RARA: variants seen among roughly 807,000 people sequenced by gnomAD.
RARA encodes the protein retinoic acid receptor alpha, also known as PML-DDX5-RARA fusion.
A neutral mutation model predicts 42.8 loss-of-function variants in RARA; 5 were observed. The ratio of observed to expected loss-of-function variants is 0.12; its 90% CI spans 0.06 to 0.25. The LOEUF (loss-of-function observed/expected upper bound fraction) is 0.25, where lower values mean the gene tolerates loss of function less well. Ranked by LOEUF, RARA falls within the 10% of genes least tolerant of loss-of-function variation. The pLI, the probability that RARA is intolerant of heterozygous loss-of-function variation, is 1.00. For missense variants in RARA, 402 were observed against 628.7 expected (o/e 0.64, Z 3.86); for synonymous variants, 256 against 259.5 (o/e 0.99, Z 0.13).
chr17:40,352,219 A>G lies in RARA; in HGVS notation c.631-112A>G. 6.7e-7 allele frequency: 1 copy of G among 1,499,912 alleles called. No individual in the cohort carries two copies. Among genetic ancestry groups the G allele is most frequent in the Non-Finnish European group, 8.8e-7 (1 of 1,130,864 alleles). 92.9% of individuals were successfully genotyped at this position (1,499,912 alleles called of 1,614,324 possible). ...CTCCCTCCTCCTGCTGCCTCTTCCC[A>G]AGGAGCTCCCAGGAAGTGAAGGCTG... On this transcript the variant is annotated intron_variant, in intron 5 of 8. Coordinates refer to ENST00000254066, the MANE Select transcript of RARA (RefSeq NM_000964.4). This position sits in a 1 kb window ranked among gnomAD's most constrained non-coding sequence, Gnocchi z 4.9.
At chr17:40,341,795 A>G in intron 2 of RARA, 1 of 1,249,136 alleles carries the variant, frequency 8.0e-7, no homozygotes, top group Non-Finnish European at 1.0e-6. Context: ...TCGGCCAGGG[A>G]CTGACCAAAC....
chr17:40,356,432 TG>T lies in RARA; in HGVS notation c.*209del. The stretch of plus-strand genomic sequence containing the variant: ...CAGTGGACTGCCTGCTCCCACAGCC[TG>T]GGCTGACGTCAGAGGCCGAGGCCAG... On this transcript the variant is annotated 3_prime_UTR_variant, in exon 9 of 9. Coordinates refer to ENST00000254066, the MANE Select transcript of RARA (RefSeq NM_000964.4). 1 of 726,112 alleles carries T rather than the reference TG, an allele frequency of 1.4e-6. No homozygotes were observed. The highest frequency in any genetic ancestry group is 2.4e-6 in the Non-Finnish European group (1 of 408,484). 45.0% of individuals were successfully genotyped at this position (726,112 alleles called of 1,614,324 possible).
In RARA at chr17:40,355,902, T is replaced by C; in HGVS notation, c.1172-107T>C. ...TCAAAGAACTGAATCCCAAGAAAGA[T>C]GCTAATATCAGCAGTATTGATCTTC... On this transcript the variant is annotated intron_variant, in intron 8 of 8. Transcript: ENST00000254066. This position sits in a 1 kb window ranked among gnomAD's most constrained non-coding sequence, Gnocchi z 4.1. 2.1e-6 allele frequency: 2 copies of C among 960,380 alleles called. No homozygotes were observed. The highest frequency in any genetic ancestry group is 2.8e-5 in the Admixed American group (1 of 36,224). 59.5% of individuals were successfully genotyped at this position (960,380 alleles called of 1,614,324 possible).
rs538011785 is a variant in RARA, at chr17:40,320,973, T to C, written c.-362-9884T>C. Among the ~76,000 whole-genome samples the C allele has an allele frequency of 8.5e-5, 13 of 152,270 alleles. No homozygotes were observed. Among genetic ancestry groups the C allele is most frequent in the Middle Eastern group, 6.8e-3 (2 of 294 alleles). Reference sequence around the variant, plus strand: ...CTTACTGGGTTTTGGGAAAGGAGTATGGCAACTGATACCCCGGCTCCCAGG... The same window carrying C: ...CTTACTGGGTTTTGGGAAAGGAGTACGGCAACTGATACCCCGGCTCCCAGG... On this transcript the variant is annotated intron_variant, in intron 1 of 8. Coordinates refer to ENST00000254066, the MANE Select transcript of RARA (RefSeq NM_000964.4). This position sits in a 1 kb window ranked among gnomAD's most constrained non-coding sequence, Gnocchi z 4.1.
In RARA at chr17:40,356,117, C is replaced by CGGGGGGT. The variant is rs2034615756; in HGVS notation, c.1287_1293dup (p.Arg432TrpfsTer16). ...GGCCTGGACACTCTGAGCGGACAGC[C>CGGGGGGT]GGGGGGTGGGGGGCGGGACGGGGGT... is the stretch of plus-strand genomic sequence containing the variant. On this transcript the variant is annotated frameshift_variant, in exon 9 of 9. Transcript: ENST00000254066. LOFTEE classifies it high-confidence loss of function. 3.0e-6 allele frequency: 4 copies of CGGGGGGT among 1,329,990 alleles called. No homozygotes were observed. 82.4% of individuals were successfully genotyped at this position (1,329,990 alleles called of 1,614,324 possible).
chr17:40,337,231 G>A (rs2033880142), intron 2 of RARA, among the ~76,000 whole-genome samples: 1 of 152,224 alleles, frequency 6.6e-6, no homozygotes, highest in African/African-American at 2.4e-5. Flanking sequence ...CATCTACATA[G>A]GCAGCTTTGA....
In RARA at chr17:40,355,913, G is replaced by T; in HGVS notation, c.1172-96G>T. The T allele has an allele frequency of 9.9e-7, 1 of 1,014,158 alleles. No homozygotes were observed. Among genetic ancestry groups the T allele is most frequent in the South Asian group, 1.6e-5 (1 of 62,404 alleles). 62.8% of individuals were successfully genotyped at this position (1,014,158 alleles called of 1,614,324 possible). A position where few individuals can be genotyped will look rare whatever the true frequency, so the allele number is the denominator to read the frequency against. ...AATCCCAAGAAAGATGCTAATATCA[G>T]CAGTATTGATCTTCCCACCTCGAGC... On this transcript the variant is annotated intron_variant, in intron 8 of 8. Coordinates refer to ENST00000254066, the MANE Select transcript of RARA (RefSeq NM_000964.4). The surrounding 1 kb of genome is among the most constrained non-coding windows in gnomAD (Gnocchi z 4.1).
At position 40,357,476 on chromosome 17, in the gene RARA, A is replaced by C. The variant is rs2034682265; in HGVS notation, c.*1250A>C. On this transcript the variant is annotated 3_prime_UTR_variant, in exon 9 of 9. Transcript: ENST00000254066. ...TCCTTACCCCGCAGGACGGGCCTAC[A>C]GGGGGGTCTCCCCTCACCCCTGCAC... 1 of 192,178 alleles carries C rather than the reference A, an allele frequency of 5.2e-6. No homozygotes were observed. Among genetic ancestry groups the C allele is most frequent in the South Asian group, 2.2e-4 (1 of 4,464 alleles). 11.9% of individuals were successfully genotyped at this position (192,178 alleles called of 1,614,324 possible). A position where few individuals can be genotyped will look rare whatever the true frequency, so the allele number is the denominator to read the frequency against.
intron 1 of RARA, among the ~76,000 whole-genome samples, chr17:40,323,539 G>T (rs376030748): frequency 6.6e-6 from 1 of 151,880 alleles, no homozygotes; most frequent in Non-Finnish European, 1.5e-5. Flanking sequence ...GCCTTCCCCT[G>T]CACACACAGC....
chr17:40,333,981 T>A (rs2033774692), intron 2 of RARA, among the ~76,000 whole-genome samples: 1 of 152,226 alleles, frequency 6.6e-6, no homozygotes, highest in Non-Finnish European at 1.5e-5. Flanking sequence ...ACCTGCGACC[T>A]GGTGCCTGTG....
In RARA at chr17:40,354,471, C is replaced by T. The variant is rs752501819; in HGVS notation, c.977C>T (p.Thr326Met). Residue 326 changes from threonine to methionine, a missense_variant, in exon 7 of 9, where the codon ACG becomes ATG. Physicochemically the swap from Thr to Met is moderately conservative, Grantham distance 81 (BLOSUM62 -1). Coordinates refer to ENST00000254066, the MANE Select transcript of RARA (RefSeq NM_000964.4). The surrounding 1 kb of genome is among the most constrained non-coding windows in gnomAD (Gnocchi z 4.5). ...LLPLEMDDAE[T>M]GLLSAICLIC... ...CCCCTGGAGATGGATGATGCGGAGA[C>T]GGGGCTGCTCAGCGCCATCTGCCTC... The T allele has an allele frequency of 5.5e-6, 8 of 1,456,422 alleles. No individual in the cohort carries two copies. Among genetic ancestry groups the T allele is most frequent in the Middle Eastern group, 1.9e-4 (1 of 5,280 alleles). 90.2% of individuals were successfully genotyped at this position (1,456,422 alleles called of 1,614,324 possible).
chr17:40,344,447 C>T (rs1374404569), intron 2 of RARA, among the ~76,000 whole-genome samples: 1 of 152,174 alleles, frequency 6.6e-6, no homozygotes, highest in Non-Finnish European at 1.5e-5. Context: ...ACCCCTTCCA[C>T]TGCCTTGGCC....
intron 2 of RARA, among the ~76,000 whole-genome samples, chr17:40,338,295 TTCC>T (rs1885044934): frequency 1.3e-5 from 2 of 152,288 alleles, no homozygotes; most frequent in Admixed American, 6.5e-5. Context: ...CAGTGCCTTC[TTCC>T]TCCTCCTCCT....
intron 2 of RARA, among the ~76,000 whole-genome samples, chr17:40,344,104 G>C (rs768144028): frequency 7.9e-5 from 12 of 151,484 alleles, no homozygotes; most frequent in Admixed American, 3.9e-4. Flanking sequence ...AGTGGGTCTC[G>C]GGGGGGCCCT....
chr17:40,330,212 C>T (rs1161919318), intron 1 of RARA, among the ~76,000 whole-genome samples: 1 of 152,134 alleles, frequency 6.6e-6, no homozygotes. Context: ...GCTTCCTGGG[C>T]GGTCCTTGCC....
intron 3 of RARA, 109 bp downstream of exon 3, chr17:40,348,573 CTTCT>C: frequency 1.5e-6 from 2 of 1,373,298 alleles, no homozygotes; most frequent in Non-Finnish European, 1.9e-6. Context: ...AGTTGCTGCT[CTTCT>C]TTCTCTGTGG....
At chr17:40,314,671 T>A (rs557843223) in intron 1 of RARA, among the ~76,000 whole-genome samples, 4 of 152,068 alleles carry the variant, frequency 2.6e-5, no homozygotes, top group Non-Finnish European at 5.9e-5. Flanking sequence ...GGAGGGACAG[T>A]CTGCCCCTGT....
In RARA at chr17:40,354,264, G is replaced by A. The variant is rs377695275; in HGVS notation, c.808-38G>A. On this transcript the variant is annotated intron_variant, in intron 6 of 8. Transcript: ENST00000254066. The surrounding 1 kb of genome is among the most constrained non-coding windows in gnomAD (Gnocchi z 4.5). ...GGTGCCGAGTGCTCAGAGTGGGTTC[G>A]GGTTCAGTCCCTGAACCCAAGCATC... 1.5e-5 allele frequency: 24 copies of A among 1,600,974 alleles called. No individual in the cohort carries two copies. Among genetic ancestry groups the A allele is most frequent in the East Asian group, 4.5e-5 (2 of 44,580 alleles).
At position 40,355,946 on chromosome 17, in the gene RARA, G is replaced by C. The variant is rs1181615732; in HGVS notation, c.1172-63G>C. On this transcript the variant is annotated intron_variant, in intron 8 of 8. Transcript: ENST00000254066. The surrounding 1 kb of genome is among the most constrained non-coding windows in gnomAD (Gnocchi z 4.1). ...GATCTTCCCACCTCGAGCCAGGCTT[G>C]CTGGGGCTGGGGGTGGGAGGGCTGG... 2.8e-6 allele frequency: 4 copies of C among 1,438,790 alleles called. No individual in the cohort carries two copies. The African/African-American group carries it at 4.3e-5, about 15-fold the overall frequency. 89.1% of individuals were successfully genotyped at this position (1,438,790 alleles called of 1,614,324 possible).
Sources: gnomAD v4.1 joint callset for allele counts (sites outside exome capture counted in the v4.1 genomes callset) on GRCh38, gnomAD v4.1.1 for gene constraint, Gnocchi (gnomAD v3.1) non-coding constraint, MANE v1.5 for transcripts, NCBI Gene and HGNC (gene_info 2026-07-23, HGNC 2026-07-21) for gene names.